Variants in SEMA3C observed in about 807,000 individuals in gnomAD.
SEMA3C encodes the protein semaphorin-3C.
SEMA3C carries 47 observed loss-of-function variants against 89.4 expected under a neutral mutation model. The ratio of observed to expected loss-of-function variants is 0.53; its 90% CI spans 0.42 to 0.67. SEMA3C has a LOEUF of 0.67. Ranked by LOEUF, SEMA3C falls within the 30% of genes least tolerant of loss-of-function variation. The probability of loss-of-function intolerance (pLI) is 0.00; values close to 1 mark genes in which losing one functional copy is unlikely to be tolerated. For synonymous variants in SEMA3C, 310 were observed against 320.2 expected (o/e 0.97, Z 0.34); for missense variants, 839 against 929.1 (o/e 0.90, Z 1.26).
At chr7:80,754,622 T>C (rs903085900) in intron 15 of SEMA3C, among the ~76,000 whole-genome samples, 2 of 152,222 alleles carry the variant, frequency 1.3e-5, no homozygotes, top group African/African-American at 4.8e-5. Flanking sequence ...ATTTGGAGAA[T>C]GTAAATACCG....
intron 15 of SEMA3C, among the ~76,000 whole-genome samples, chr7:80,754,399 C>T (rs1359545215): frequency 6.6e-6 from 1 of 152,118 alleles, no homozygotes; most frequent in Non-Finnish European, 1.5e-5. Context: ...ATGAAATCCT[C>T]TAAGTGATCT....
intron 2 of SEMA3C, among the ~76,000 whole-genome samples, chr7:80,902,848 C>G (rs955167209): frequency 6.6e-6 from 1 of 152,148 alleles, no homozygotes; most frequent in South Asian, 2.1e-4. Flanking sequence ...AACAGAACTG[C>G]CAGCCATTAG....
chr7:80,797,406 T>C (rs2115638114), intron 11 of SEMA3C, among the ~76,000 whole-genome samples: 1 of 152,312 alleles, frequency 6.6e-6, no homozygotes. Flanking sequence ...GTATTCCTAA[T>C]ACTACTAATA....
chr7:80,813,968 C>T (rs573503315), intron 5 of SEMA3C, among the ~76,000 whole-genome samples: 1 of 152,194 alleles, frequency 6.6e-6, no homozygotes. Flanking sequence ...CTTGGATTCT[C>T]AATGGCGCTT....
chr7:80,759,910 T>C (rs1261784636), intron 14 of SEMA3C, among the ~76,000 whole-genome samples: 2 of 152,320 alleles, frequency 1.3e-5, no homozygotes, highest in South Asian at 4.1e-4. Context: ...ATCAGCTTCA[T>C]TAAAATACTT....
intron 8 of SEMA3C, 34 bp from the exon 9 acceptor site, chr7:80,802,813 T>C: frequency 6.7e-7 from 1 of 1,502,370 alleles, no homozygotes; most frequent in Non-Finnish European, 9.2e-7. Context: ...TTCAGATTGC[T>C]TAAGTAAATA....
rs150414635 is a variant in SEMA3C, at chr7:80,816,443, G to A, written c.447+1856C>T. ...GGTCATTACAAAATACAATCTTAGT[G>A]ATAGAGAAGAATTCTCTCAAAATAA... On this transcript the variant is annotated intron_variant, in intron 5 of 17. Coordinates refer to ENST00000265361, the MANE Select transcript of SEMA3C (RefSeq NM_006379.5). Among the ~76,000 whole-genome samples, 808 of 152,264 alleles carry A rather than the reference G, an allele frequency of 5.3e-3. 10 individuals carry two copies. The highest frequency in any genetic ancestry group is 0.018 in the African/African-American group (761 of 41,554).
chr7:80,916,588 A>G, intron 2 of SEMA3C, 91 bp downstream of exon 2: 1 of 1,124,682 alleles, frequency 8.9e-7, no homozygotes, highest in Non-Finnish European at 1.2e-6. Flanking sequence ...AATATCCAGT[A>G]ATATTTATAC....
At chr7:80,792,737 T>C (rs774686516) in intron 11 of SEMA3C, among the ~76,000 whole-genome samples, 4 of 152,206 alleles carry the variant, frequency 2.6e-5, no homozygotes, top group South Asian at 4.1e-4. Flanking sequence ...AAGTGTCTCC[T>C]AGTATATGTT....
intron 2 of SEMA3C, among the ~76,000 whole-genome samples, chr7:80,880,889 C>T (rs1791319612): frequency 6.6e-6 from 1 of 152,170 alleles, no homozygotes; most frequent in South Asian, 2.1e-4. Context: ...CACATCACTG[C>T]ATTCCAGCCT....
intron 11 of SEMA3C, among the ~76,000 whole-genome samples, chr7:80,794,016 G>T (rs187794667): frequency 1.3e-5 from 2 of 151,952 alleles, no homozygotes; most frequent in Non-Finnish European, 2.9e-5. Context: ...CCCTTTGTCT[G>T]AAGCCAAAAA....
upstream of SEMA3C, among the ~76,000 whole-genome samples, chr7:80,920,901 A>G (rs964613853): frequency 2.6e-5 from 4 of 152,220 alleles, no homozygotes; most frequent in African/African-American, 9.7e-5. Flanking sequence ...TTCGGCATTT[A>G]TATATTAAGC....
intron 2 of SEMA3C, among the ~76,000 whole-genome samples, chr7:80,835,292 T>C (rs1307930080): frequency 6.6e-6 from 1 of 152,178 alleles, no homozygotes; most frequent in Non-Finnish European, 1.5e-5. Context: ...GAAGATACCA[T>C]GTCCTAATTA....
intron 2 of SEMA3C, among the ~76,000 whole-genome samples, chr7:80,894,620 C>T (rs183239102): frequency 7.5e-4 from 114 of 152,212 alleles, no homozygotes; most frequent in African/African-American, 2.6e-3. Flanking sequence ...ACTTTTTCTT[C>T]TTTTCTTTGG....
Position 80,875,892 on chromosome 7 carries a change from C to T in SEMA3C, c.103+40787G>A, listed in dbSNP as rs184699107. On this transcript the variant is annotated intron_variant, in intron 2 of 17. Transcript: ENST00000265361. ...AAAAAAAAATTATATGCTGAGATTG[C>T]TAAGACCTACAGTAAGAACACATCT... Among the ~76,000 whole-genome samples, 134 of 152,020 alleles carry T rather than the reference C, an allele frequency of 8.8e-4. 1 individual carries two copies. The East Asian group carries it at 0.023, about 26-fold the overall frequency.
intron 2 of SEMA3C, among the ~76,000 whole-genome samples, chr7:80,888,899 A>G (rs193232689): frequency 6.6e-6 from 1 of 152,168 alleles, no homozygotes; most frequent in East Asian, 1.9e-4. Context: ...AGTCTCACTC[A>G]GGAACCCTGG....
At chr7:80,763,296 C>A in intron 13 of SEMA3C, among the ~76,000 whole-genome samples, 1 of 152,202 alleles carries the variant, frequency 6.6e-6, no homozygotes. Context: ...TATTTCCTCA[C>A]ATGCTCATGA....
At chr7:80,836,925 G>T (rs1172631549) in intron 2 of SEMA3C, among the ~76,000 whole-genome samples, 1 of 152,002 alleles carries the variant, frequency 6.6e-6, no homozygotes, top group African/African-American at 2.4e-5. Context: ...TTATATGGCT[G>T]CTCTACTTTT....
intron 2 of SEMA3C, among the ~76,000 whole-genome samples, chr7:80,863,830 GTGATATA>G (rs1207058761): frequency 9.7e-6 from 1 of 102,862 alleles, no homozygotes; most frequent in African/African-American, 5.1e-5. Flanking sequence ...TATGTGATAT[GTGATATA>G]TATATCACAT....
Sources: allele counts gnomAD v4.1 joint callset (sites outside exome capture counted in the v4.1 genomes callset), GRCh38; gene constraint gnomAD v4.1.1; transcripts MANE v1.5; gene names NCBI Gene and HGNC (gene_info 2026-07-23, HGNC 2026-07-21).